Variants in CSMD3 observed in about 807,000 individuals in gnomAD.
CSMD3 encodes CUB and Sushi multiple domains 3.
In CSMD3, 177 loss-of-function variants were observed where a neutral mutation model predicts 435.2. That is an observed-to-expected ratio of 0.41 (90% confidence interval 0.36 to 0.46). The LOEUF (loss-of-function observed/expected upper bound fraction) is 0.46. CSMD3 is among the 20% of genes least tolerant of loss of function. The pLI is 0.34. For missense variants in CSMD3, 4,265 were observed against 4,504.6 expected (o/e 0.95, Z 1.52); for synonymous variants, 1,656 against 1,520.5 (o/e 1.09, Z -2.07).
At chr8:112,539,478 A>T (rs1421233971) in intron 27 of CSMD3, among the ~76,000 whole-genome samples, 2 of 152,154 alleles carry the variant, frequency 1.3e-5, no homozygotes, top group African/African-American at 4.8e-5. Flanking sequence ...GAGCAAAAAG[A>T]ATAAAGATAG....
intron 58 of CSMD3, among the ~76,000 whole-genome samples, chr8:112,285,201 T>C (rs1819059083): frequency 6.6e-6 from 1 of 152,096 alleles, no homozygotes; most frequent in Non-Finnish European, 1.5e-5. Flanking sequence ...ATTTCATCTA[T>C]AAAATATTTT....
intron 5 of CSMD3, among the ~76,000 whole-genome samples, chr8:113,080,642 T>A (rs974767018): frequency 2.0e-5 from 3 of 152,178 alleles, no homozygotes; most frequent in Non-Finnish European, 4.4e-5. Flanking sequence ...CTACTATGAA[T>A]ATTTTCATTA....
chr8:112,298,858 C>A (rs1027093443), intron 53 of CSMD3, among the ~76,000 whole-genome samples: 6 of 152,092 alleles, frequency 3.9e-5, no homozygotes, highest in African/African-American at 1.2e-4. Context: ...CACATGTATT[C>A]TGTTGTGAGT....
rs73328677 is a variant in CSMD3, at chr8:112,503,226, C to T, written c.5083+564G>A. On this transcript the variant is annotated intron_variant, in intron 30 of 70. Transcript: ENST00000297405. ...CTTCTTGAGTAGCTGGGACTACAGA[C>T]GTATGACACCCCTCTTGACTAATTA... Among the ~76,000 whole-genome samples the T allele has an allele frequency of 2.5e-3, 376 of 152,200 alleles. 4 individuals are homozygous for T. Among genetic ancestry groups the T allele is most frequent in the African/African-American group, 8.5e-3 (351 of 41,534 alleles).
At chr8:113,241,751 T>G (rs931020618) in intron 3 of CSMD3, among the ~76,000 whole-genome samples, 1 of 151,886 alleles carries the variant, frequency 6.6e-6, no homozygotes, top group Non-Finnish European at 1.5e-5. Flanking sequence ...TTCCAAGGAA[T>G]GAAATGTCAC....
chr8:112,668,928 T>C (rs1057439155), intron 16 of CSMD3, among the ~76,000 whole-genome samples: 2 of 147,812 alleles, frequency 1.4e-5, no homozygotes, highest in African/African-American at 5.0e-5. Flanking sequence ...AGGCTAAATG[T>C]AGAAAAACAA....
chr8:112,994,705 T>A (rs966659774), intron 6 of CSMD3, among the ~76,000 whole-genome samples: 2 of 151,564 alleles, frequency 1.3e-5, no homozygotes, highest in Non-Finnish European at 3.0e-5. Flanking sequence ...TACAGAGACA[T>A]CACACATCTT....
rs2093589705 is a variant in CSMD3 at position 113,278,615 on chromosome 8, T to C, written c.491A>G (p.His164Arg). 2 of 1,571,142 alleles carry C rather than the reference T, an allele frequency of 1.3e-6. No homozygotes were observed. Among genetic ancestry groups the C allele is most frequent in the East Asian group, 2.2e-5 (1 of 44,614 alleles). ...ACCTTCGTAATATACCTTAAATCCA[T>C]GAGCACTAACTGCAAAATCACTGGT... is the stretch of plus-strand genomic sequence containing the variant. ...RLTSDFAVSA[H>R]GFKVYYEELQ... Residue 164 changes from histidine (H) to arginine (R), a missense_variant, in exon 3 of 71, where the codon CAT becomes CGT. Physicochemically the swap from His to Arg is conservative, Grantham distance 29 (BLOSUM62 0). Coordinates refer to ENST00000297405, the MANE Select transcript of CSMD3 (RefSeq NM_198123.2).
chr8:112,533,907 A>T (rs1432053651), intron 27 of CSMD3, among the ~76,000 whole-genome samples: 1 of 152,140 alleles, frequency 6.6e-6, no homozygotes, highest in Admixed American at 6.6e-5. Context: ...CAATATTTGA[A>T]TCATCTTTTC....
In CSMD3 at chr8:113,414,217, T is replaced by C. The variant is rs1047624323; in HGVS notation, c.178+22460A>G. 2.4e-4 allele frequency among the ~76,000 whole-genome samples: 37 copies of C among 152,224 alleles called. 1 individual carries two copies. The highest frequency in any genetic ancestry group is 2.0e-3 in the Admixed American group (30 of 15,270). The stretch of plus-strand genomic sequence containing the variant: ...TGGTGTGGCTTTTATGACTGAGGAA[T>C]TGAATTGTTAATTCTGTTTAATGTT... On this transcript the variant is annotated intron_variant, in intron 1 of 70. Coordinates refer to ENST00000297405, the MANE Select transcript of CSMD3 (RefSeq NM_198123.2).
At chr8:112,598,475 A>G (rs1445566546) in intron 22 of CSMD3, among the ~76,000 whole-genome samples, 2 of 148,854 alleles carry the variant, frequency 1.3e-5, no homozygotes, top group African/African-American at 5.0e-5. Flanking sequence ...TGCCATCCCC[A>G]TAAAGCTACC....
chr8:112,844,588 G>A (rs999557273), intron 11 of CSMD3, among the ~76,000 whole-genome samples: 2 of 151,954 alleles, frequency 1.3e-5, no homozygotes, highest in African/African-American at 4.8e-5. Flanking sequence ...CTTCCTAGAA[G>A]GGTTAGACAC....
At chr8:112,260,778 A>T (rs1816312060) in intron 61 of CSMD3, among the ~76,000 whole-genome samples, 1 of 152,132 alleles carries the variant, frequency 6.6e-6, no homozygotes, top group Non-Finnish European at 1.5e-5. Flanking sequence ...GCACTGGAAC[A>T]GACTTCCTCC....
chr8:113,368,087 G>T (rs1563751935), intron 1 of CSMD3, among the ~76,000 whole-genome samples: 1 of 151,912 alleles, frequency 6.6e-6, no homozygotes, highest in Non-Finnish European at 1.5e-5. Flanking sequence ...CTTCCTATTT[G>T]TCCTCCTTAG....
intron 27 of CSMD3, among the ~76,000 whole-genome samples, chr8:112,540,640 A>G (rs1377507452): frequency 2.0e-5 from 3 of 152,024 alleles, no homozygotes; most frequent in Admixed American, 6.6e-5. Flanking sequence ...ACATTGGTGG[A>G]GCTAGAGGAC....
intron 2 of CSMD3, among the ~76,000 whole-genome samples, chr8:113,290,394 T>C (rs1270187033): frequency 6.6e-6 from 1 of 151,622 alleles, no homozygotes; most frequent in Non-Finnish European, 1.5e-5. Context: ...TGTTTTTAAG[T>C]CAATATTTTA....
At chr8:112,682,710 A>G in intron 15 of CSMD3, 74 bp from the exon 16 acceptor site, 4 of 1,022,388 alleles carry the variant, frequency 3.9e-6, no homozygotes, top group Non-Finnish European at 6.2e-6. Flanking sequence ...TATATTTTGG[A>G]AAAGAGAGAG....
In CSMD3 at chr8:112,689,992, G is replaced by A. The variant is rs767936369; in HGVS notation, c.2031C>T (p.Gly677=). ...PGTPLYGIRE[G]DGFSNRDVLR... ...AAACATCACGATTAGAAAATCCATC[G>A]CCTTCTCTAATTCCATATAAGGGTG... is the stretch of plus-strand genomic sequence containing the variant. Residue 677 remains glycine (G), a synonymous_variant, in exon 14 of 71, where the codon GGC becomes GGT. Transcript: ENST00000297405. 3.4e-5 allele frequency: 55 copies of A among 1,612,846 alleles called. 2 individuals carry two copies. In the Middle Eastern group the frequency reaches 4.9e-4, roughly 14 times the overall value.
chr8:112,550,167 A>G (rs1419334352), intron 27 of CSMD3, among the ~76,000 whole-genome samples: 2 of 152,048 alleles, frequency 1.3e-5, no homozygotes, highest in Admixed American at 6.6e-5. Context: ...TTTCATTGTC[A>G]TATTATTGTT....
Sources: allele counts gnomAD v4.1 joint callset (sites outside exome capture counted in the v4.1 genomes callset), GRCh38; gene constraint gnomAD v4.1.1; transcripts MANE v1.5; gene names NCBI Gene and HGNC (gene_info 2026-07-23, HGNC 2026-07-21).